Variants in ZFR2 observed in about 807,000 individuals in gnomAD.
The protein encoded by ZFR2 is zinc finger RNA-binding protein 2.
In ZFR2, 104 loss-of-function variants were observed where a neutral mutation model predicts 105.7. The observed-to-expected ratio is 0.98, with a 90% CI of 0.84 to 1.16. ZFR2 has a LOEUF of 1.16. Ranked by LOEUF, ZFR2 falls within the 50% of genes most tolerant of loss-of-function variation. The pLI is 0.00. For missense variants in ZFR2, 1,425 were observed against 1,355.5 expected, an observed-to-expected ratio of 1.05 and a Z score of -0.80; for synonymous variants, 634 against 597.7, an observed-to-expected ratio of 1.06 and a Z score of -0.89.
At chr19:3,832,615 C>T (rs1391281581) in intron 3 of ZFR2, among the ~76,000 whole-genome samples, 7 of 150,616 alleles carry the variant, frequency 4.6e-5, no homozygotes, top group East Asian at 3.9e-4. Context: ...CTGCTGCACC[C>T]GGCCTTTATT....
intron 1 of ZFR2, among the ~76,000 whole-genome samples, chr19:3,860,145 C>G (rs2038355599): frequency 6.6e-6 from 1 of 151,982 alleles, no homozygotes; most frequent in African/African-American, 2.4e-5. Flanking sequence ...ACCCTCCCGC[C>G]TCATCCTCCC....
chr19:3,815,814 C>T (rs193077745), intron 13 of ZFR2, among the ~76,000 whole-genome samples: 3 of 149,006 alleles, frequency 2.0e-5, no homozygotes, highest in East Asian at 2.0e-4. Flanking sequence ...TGCAGTGGCG[C>T]GATCTCGGCT....
chr19:3,866,941 G>A (rs2145201411), intron 1 of ZFR2, among the ~76,000 whole-genome samples: 1 of 152,304 alleles, frequency 6.6e-6, no homozygotes, highest in South Asian at 2.1e-4. Context: ...AAACCACTCC[G>A]AGTGCAGGAA....
At position 3,816,681 on chromosome 19, in the gene ZFR2, T is replaced by C; in HGVS notation, c.2096A>G (p.Gln699Arg). ...LRRIAQQLPR[Q>R]LQMVTEDEYE... is the part of the protein sequence containing the mutation. ...GCAGGGCCCTGACCTTACCTGGAGCTGCCGGGGCAGCTGCTGGGCGATCCT... is the reference window on the plus strand; with the variant it reads ...GCAGGGCCCTGACCTTACCTGGAGCCGCCGGGGCAGCTGCTGGGCGATCCT... Residue 699 changes from glutamine (Q) to arginine (R), a missense_variant, in exon 13 of 19, where the codon CAG becomes CGG. Transcript: ENST00000262961. 1 of 1,607,950 alleles carries C rather than the reference T, an allele frequency of 6.2e-7. No homozygotes were observed. The highest frequency in any genetic ancestry group is 8.5e-7 in the Non-Finnish European group (1 of 1,176,644).
intron 1 of ZFR2, among the ~76,000 whole-genome samples, chr19:3,860,582 T>C (rs1183749191): frequency 6.6e-6 from 1 of 152,122 alleles, no homozygotes; most frequent in Non-Finnish European, 1.5e-5. Context: ...AGAAGGAACA[T>C]GGTCCCACGT....
At position 3,858,486 on chromosome 19, in the gene ZFR2, T is replaced by G. The variant is rs960401825; in HGVS notation, c.53+10479A>C. Among the ~76,000 whole-genome samples, 1 of 152,208 alleles carries G rather than the reference T, an allele frequency of 6.6e-6. No individual in the cohort carries two copies. ...ACTCAAGTGGAAATAAAGATTTTCC[T>G]GGAATCACAGGCTGAGAAATGTCAT... On this transcript the variant is annotated intron_variant, in intron 1 of 18. Transcript: ENST00000262961. This position sits in a 1 kb window ranked among gnomAD's most constrained non-coding sequence, Gnocchi z 4.3.
At chr19:3,848,849 C>G (rs2038207864) in intron 1 of ZFR2, among the ~76,000 whole-genome samples, 1 of 151,130 alleles carries the variant, frequency 6.6e-6, no homozygotes, top group South Asian at 2.1e-4. Context: ...AAAAAATTAG[C>G]CAGGTGTGGT....
At chr19:3,861,925 CAA>C (rs2038378907) in intron 1 of ZFR2, among the ~76,000 whole-genome samples, 1 of 152,066 alleles carries the variant, frequency 6.6e-6, no homozygotes, top group South Asian at 2.1e-4. Flanking sequence ...GACCCTGTCT[CAA>C]AAATAATAAT....
chr19:3,831,624 CG>C, intron 4 of ZFR2, 35 bp downstream of exon 4: 1 of 1,520,632 alleles, frequency 6.6e-7, no homozygotes, highest in Non-Finnish European at 8.9e-7. Flanking sequence ...TGGGGACCGA[CG>C]GGCAGACCAC....
At chr19:3,829,150 C>T (rs979617422) in intron 5 of ZFR2, among the ~76,000 whole-genome samples, 6 of 151,872 alleles carry the variant, frequency 4.0e-5, no homozygotes, top group African/African-American at 1.2e-4. Context: ...TTAGTAGAGA[C>T]GGGGTTTCAC....
In ZFR2 at chr19:3,805,542, G is replaced by A. The variant is rs950143199; in HGVS notation, c.*407C>T. 3.1e-5 allele frequency: 5 copies of A among 162,650 alleles called. No individual in the cohort carries two copies. Among genetic ancestry groups the A allele is most frequent in the African/African-American group, 4.8e-5 (2 of 41,634 alleles). The allele number at this position is 162,650 out of a possible 1,614,324, so 10.1% of individuals were successfully genotyped here. On this transcript the variant is annotated 3_prime_UTR_variant, in exon 19 of 19. Transcript: ENST00000262961. ...TTGTTGTGTTTTTTACTAGAGACAG[G>A]GTTTCACCATGTTGACCAGGCCGGT...
chr19:3,831,889 G>A lies in ZFR2; in HGVS notation c.380-11C>T. On this transcript the variant is annotated splice_polypyrimidine_tract_variant and intron_variant, in intron 3 of 18. Transcript: ENST00000262961. ...AGGCTTCTTGGGTCCCTAGGGGACA[G>A]GGACAGGCCCTCTGCAGAGCCAACC... is the stretch of plus-strand genomic sequence containing the variant. The A allele has an allele frequency of 6.5e-7, 1 of 1,548,078 alleles. No homozygotes were observed. The highest frequency in any genetic ancestry group is 8.7e-7 in the Non-Finnish European group (1 of 1,152,632).
chr19:3,827,426 G>A (rs781146286), intron 6 of ZFR2, 45 bp downstream of exon 6: 4 of 1,472,098 alleles, frequency 2.7e-6, no homozygotes, highest in Admixed American at 5.0e-5. Context: ...TGACCTGGGG[G>A]CCTTCTCCCC....
rs868622445 is a variant in ZFR2, at chr19:3,808,910, C to T, written c.2507G>A (p.Arg836Gln). The T allele has an allele frequency of 8.9e-6, 14 of 1,566,982 alleles. No homozygotes were observed. The highest frequency in any genetic ancestry group is 1.1e-5 in the Non-Finnish European group (13 of 1,158,478). Residue 836 changes from arginine to glutamine, a missense_variant, in exon 17 of 19, where the codon CGA becomes CAA. Physicochemically the swap from Arg to Gln is conservative, Grantham distance 43. Transcript: ENST00000262961. ...GPLGPGDAVR[R>Q]VLECVATGTL... ...CCCTGTGGCCACGCACTCCAGGACT[C>T]GCCTGACTGCATCCCCGGGGCCCAG... is the stretch of plus-strand genomic sequence containing the variant.
Position 3,858,460 on chromosome 19 carries a change from AACTC to A in ZFR2, c.53+10501_53+10504del, listed in dbSNP as rs1309746548. Among the ~76,000 whole-genome samples, 1 of 152,194 alleles carries A rather than the reference AACTC, an allele frequency of 6.6e-6. No individual in the cohort carries two copies. The highest frequency in any genetic ancestry group is 1.5e-5 in the Non-Finnish European group (1 of 68,032). On this transcript the variant is annotated intron_variant, in intron 1 of 18. Transcript: ENST00000262961. The surrounding 1 kb of genome is among the most constrained non-coding windows in gnomAD (Gnocchi z 4.3). Reference sequence around the variant, plus strand: ...CCAAAACATTTAGAGTCCAAGGAAAAACTCAAGTGGAAATAAAGATTTTCCTGGA... The same window carrying A: ...CCAAAACATTTAGAGTCCAAGGAAAAAAGTGGAAATAAAGATTTTCCTGGA...
chr19:3,831,275 G>A, intron 5 of ZFR2, 28 bp downstream of exon 5: 1 of 1,484,608 alleles, frequency 6.7e-7, no homozygotes, highest in Middle Eastern at 1.8e-4. Flanking sequence ...GGTCCCTGGG[G>A]CCTGCCCATG....
chr19:3,811,947 T>A (rs2037769654), intron 14 of ZFR2, among the ~76,000 whole-genome samples: 1 of 151,330 alleles, frequency 6.6e-6, no homozygotes, highest in Non-Finnish European at 1.5e-5. Context: ...ATTTATTTAT[T>A]TGTTTGTTTG....
At chr19:3,831,588 G>A in intron 4 of ZFR2, 32 bp from the exon 5 acceptor site, 1 of 1,540,912 alleles carries the variant, frequency 6.5e-7, no homozygotes, top group Non-Finnish European at 8.8e-7. Context: ...GAGTCGGGGG[G>A]AGATGCTGAT....
intron 1 of ZFR2, among the ~76,000 whole-genome samples, chr19:3,862,044 C>A (rs2038379881): frequency 1.3e-5 from 2 of 152,134 alleles, no homozygotes; most frequent in African/African-American, 4.8e-5. Context: ...GCCTTTGTCC[C>A]ATGACCCCCA....
Sources: gnomAD v4.1 joint callset for allele counts (sites outside exome capture counted in the v4.1 genomes callset) on GRCh38, gnomAD v4.1.1 for gene constraint, Gnocchi (gnomAD v3.1) non-coding constraint, MANE v1.5 for transcripts, NCBI Gene and HGNC (gene_info 2026-07-23, HGNC 2026-07-21) for gene names.